Variants in RIN3 observed in about 807,000 individuals in gnomAD.
The protein encoded by RIN3 is Ras and Rab interactor 3.
A neutral mutation model predicts 76.3 loss-of-function variants in RIN3; 54 were observed. The ratio of observed to expected loss-of-function variants is 0.71; its 90% CI spans 0.57 to 0.89. The LOEUF is 0.89. Among genes scored for constraint, RIN3 ranks in the 40% least tolerant of loss-of-function variants. The probability of loss-of-function intolerance (pLI) is 0.00; values close to 1 mark genes in which losing one functional copy is unlikely to be tolerated. For missense variants in RIN3, 1,256 were observed against 1,322.1 expected (o/e 0.95, Z 0.78); for synonymous variants, 576 against 564.0 (o/e 1.02, Z -0.30).
chr14:92,540,354 G>A (rs1897105735), intron 1 of RIN3, among the ~76,000 whole-genome samples: 1 of 152,208 alleles, frequency 6.6e-6, no homozygotes, highest in Non-Finnish European at 1.5e-5. Flanking sequence ...CCTCCTAATG[G>A]AAGGTCTTTT....
At chr14:92,560,421 T>C (rs1054983213) in intron 2 of RIN3, among the ~76,000 whole-genome samples, 4 of 152,120 alleles carry the variant, frequency 2.6e-5, no homozygotes, top group African/African-American at 7.2e-5. Context: ...TGCACCTCTA[T>C]ATTTTCAAGC....
intron 1 of RIN3, among the ~76,000 whole-genome samples, chr14:92,530,714 G>A (rs894580112): frequency 6.6e-6 from 1 of 151,970 alleles, no homozygotes; most frequent in Non-Finnish European, 1.5e-5. Context: ...TGAACTCCCT[G>A]CATCTCCGTG....
At chr14:92,560,672 A>G (rs536287729) in intron 2 of RIN3, among the ~76,000 whole-genome samples, 1 of 152,178 alleles carries the variant, frequency 6.6e-6, no homozygotes, top group South Asian at 2.1e-4. Context: ...TTTGCTTCAC[A>G]ACAGCGGTCC....
At chr14:92,608,275 G>C (rs754400255) in intron 3 of RIN3, among the ~76,000 whole-genome samples, 2 of 151,116 alleles carry the variant, frequency 1.3e-5, no homozygotes, top group Non-Finnish European at 2.9e-5. Flanking sequence ...GGGGGAACTG[G>C]GTGAAGGGTA....
chr14:92,621,713 C>T (rs1055763372), intron 4 of RIN3, among the ~76,000 whole-genome samples: 1 of 152,160 alleles, frequency 6.6e-6, no homozygotes. Flanking sequence ...TAGAAACAAT[C>T]GAAAACAAAT....
At chr14:92,679,385 G>A (rs79289888) in intron 8 of RIN3, among the ~76,000 whole-genome samples, 1 of 152,226 alleles carries the variant, frequency 6.6e-6, no homozygotes, top group Admixed American at 6.5e-5. Flanking sequence ...AGGGGGGTGG[G>A]TGGCACGGGC....
Position 92,652,771 on chromosome 14 carries a change from C to G in RIN3, c.1722C>G (p.Ile574Met). The G allele has an allele frequency of 1.2e-6, 2 of 1,614,028 alleles. No individual in the cohort carries two copies. Among genetic ancestry groups the G allele is most frequent in the Non-Finnish European group, 1.7e-6 (2 of 1,180,044 alleles). Residue 574 changes from isoleucine to methionine, a missense_variant, in exon 6 of 10, where the codon ATC (isoleucine) becomes ATG (methionine). Coordinates refer to ENST00000216487, the MANE Select transcript of RIN3 (RefSeq NM_024832.5). This position sits in a 1 kb window ranked among gnomAD's most constrained non-coding sequence, Gnocchi z 6.4. ...SPSVKKKPSM[I>M]LGKARHRLSF... ...GCGTGAAGAAGAAGCCCTCCATGAT[C>G]CTGGGCAAGGCTCGGCACCGGCTGA...
intron 4 of RIN3, among the ~76,000 whole-genome samples, chr14:92,618,000 G>T (rs933704568): frequency 1.7e-4 from 26 of 152,278 alleles, no homozygotes; most frequent in Middle Eastern, 3.4e-3. Flanking sequence ...AGGCCTCCTG[G>T]CAATGATATC....
At chr14:92,554,768 C>G (rs1399721997) in intron 1 of RIN3, among the ~76,000 whole-genome samples, 1 of 151,990 alleles carries the variant, frequency 6.6e-6, no homozygotes, top group Non-Finnish European at 1.5e-5. Context: ...TAAAAAAATA[C>G]AAAAATTAGC....
At chr14:92,545,532 C>T (rs7142236) in intron 1 of RIN3, among the ~76,000 whole-genome samples, 73,773 of 149,976 alleles carry the variant, frequency 0.49, 18,627 homozygotes, top group Middle Eastern at 0.63. Context: ...CACATTTGCT[C>T]GTTTGCACTC....
At chr14:92,521,361 A>C (rs932637612) in intron 1 of RIN3, among the ~76,000 whole-genome samples, 9 of 152,192 alleles carry the variant, frequency 5.9e-5, no homozygotes, top group African/African-American at 2.2e-4. Flanking sequence ...CTACTAAGGA[A>C]AATGATTTGA....
At chr14:92,653,417 C>T (rs1887548286) in intron 6 of RIN3, among the ~76,000 whole-genome samples, 3 of 152,218 alleles carry the variant, frequency 2.0e-5, no homozygotes, top group African/African-American at 7.2e-5. Context: ...AGTTTATGCT[C>T]CAGGGCCCGG....
intron 3 of RIN3, among the ~76,000 whole-genome samples, chr14:92,611,143 T>G (rs566539469): frequency 6.6e-6 from 1 of 152,274 alleles, no homozygotes; most frequent in East Asian, 1.9e-4. Flanking sequence ...TGCGGAAGCA[T>G]CTGTTCCATG....
intron 2 of RIN3, among the ~76,000 whole-genome samples, chr14:92,567,750 G>C (rs116514851): frequency 0.011 from 1,624 of 150,400 alleles, 28 homozygotes; most frequent in African/African-American, 0.037. Flanking sequence ...TTAATCTACT[G>C]TGGAGGTGAA....
intron 7 of RIN3, among the ~76,000 whole-genome samples, chr14:92,661,292 T>C (rs1045756305): frequency 5.3e-5 from 8 of 152,154 alleles, no homozygotes; most frequent in Admixed American, 3.9e-4. Context: ...CAGAAAGCAA[T>C]TGTGGGTATG....
At chr14:92,672,662 G>A (rs72701810) in intron 7 of RIN3, among the ~76,000 whole-genome samples, 929 of 86,276 alleles carry the variant, frequency 0.011, 3 homozygotes, top group Non-Finnish European at 0.019. Flanking sequence ...GTGTGTGCAT[G>A]TGTGTGTGTG....
At chr14:92,516,731 G>A (rs566877576) in intron 1 of RIN3, among the ~76,000 whole-genome samples, 1 of 152,084 alleles carries the variant, frequency 6.6e-6, no homozygotes, top group Non-Finnish European at 1.5e-5. Context: ...TTATCCCTGA[G>A]GCCCTCCTCA....
In RIN3 at chr14:92,656,044, G is replaced by A. The variant is rs1035751167; in HGVS notation, c.2026+2969G>A. 3.3e-5 allele frequency among the ~76,000 whole-genome samples: 5 copies of A among 152,160 alleles called. No individual in the cohort carries two copies. Among genetic ancestry groups the A allele is most frequent in the African/African-American group, 7.2e-5 (3 of 41,432 alleles). On this transcript the variant is annotated intron_variant, in intron 6 of 9. Coordinates refer to ENST00000216487, the MANE Select transcript of RIN3 (RefSeq NM_024832.5). The surrounding 1 kb of genome is among the most constrained non-coding windows in gnomAD (Gnocchi z 5.2). ...TCCGGGTCTGAGGACTGAGCCACAG[G>A]CACCGTGCAGACCAGGAGGACACAG...
At chr14:92,621,444 T>C (rs1051953712) in intron 4 of RIN3, among the ~76,000 whole-genome samples, 7 of 152,122 alleles carry the variant, frequency 4.6e-5, no homozygotes, top group Non-Finnish European at 7.4e-5. Flanking sequence ...CTTGGTTTTA[T>C]AGATTTTAGG....
Sources: gnomAD v4.1 joint callset for allele counts (sites outside exome capture counted in the v4.1 genomes callset) on GRCh38, gnomAD v4.1.1 for gene constraint, Gnocchi (gnomAD v3.1) non-coding constraint, MANE v1.5 for transcripts, NCBI Gene and HGNC (gene_info 2026-07-23, HGNC 2026-07-21) for gene names.